AHCTF1: variants seen among roughly 807,000 people sequenced by gnomAD.
AHCTF1 encodes the protein protein ELYS.
AHCTF1 carries 24 observed loss-of-function variants against 248.4 expected under a neutral mutation model. The observed-to-expected ratio is 0.10, with a 90% confidence interval of 0.07 to 0.14. The LOEUF is 0.14. Ranked by LOEUF, AHCTF1 falls within the 10% of genes least tolerant of loss-of-function variation. The pLI is 1.00. For synonymous variants in AHCTF1, 786 were observed against 929.8 expected, an observed-to-expected ratio of 0.85 and a Z score of 2.81; for missense variants, 2,206 against 2,636.2, an observed-to-expected ratio of 0.84 and a Z score of 3.57.
intron 26 of AHCTF1, among the ~76,000 whole-genome samples, chr1:246,865,077 C>G (rs1231388021): frequency 6.6e-6 from 1 of 152,156 alleles, no homozygotes; most frequent in Non-Finnish European, 1.5e-5. Context: ...AGTTTTAAAG[C>G]TTAATTTACA....
At position 246,890,064 on chromosome 1, in the gene AHCTF1, A is replaced by AT. The variant is rs1664116523; in HGVS notation, c.2051-6dup. ...TTGACAACTGCACAGAATCATCTAG[A>AT]TTTTTAAGAGTTGGAAAAAAAGCTG... is the stretch of plus-strand genomic sequence containing the variant. On this transcript the variant is annotated splice_region_variant and splice_polypyrimidine_tract_variant and intron_variant, in intron 16 of 35. Transcript: ENST00000648844. 1 of 1,602,822 alleles carries AT rather than the reference A, an allele frequency of 6.2e-7. No individual in the cohort carries two copies. Among genetic ancestry groups the AT allele is most frequent in the South Asian group, 1.1e-5 (1 of 89,594 alleles).
intron 5 of AHCTF1, among the ~76,000 whole-genome samples, chr1:246,906,392 A>G (rs977919347): frequency 3.3e-5 from 5 of 151,988 alleles, no homozygotes; most frequent in Non-Finnish European, 7.4e-5. Context: ...AGTCTGACCA[A>G]CAAGGTGAAA....
intron 21 of AHCTF1, among the ~76,000 whole-genome samples, chr1:246,878,600 T>C (rs1408861329): frequency 1.3e-5 from 2 of 152,102 alleles, no homozygotes; most frequent in Non-Finnish European, 2.9e-5. Context: ...TCTGAAGATA[T>C]ACACTAAGAA....
chr1:246,854,723 C>T (rs1364260213), intron 31 of AHCTF1, among the ~76,000 whole-genome samples: 1 of 152,118 alleles, frequency 6.6e-6, no homozygotes, highest in East Asian at 1.9e-4. Context: ...TTAATATTCC[C>T]ATTTAAAACT....
chr1:246,870,958 G>C (rs1024360073), intron 24 of AHCTF1, among the ~76,000 whole-genome samples: 6 of 152,128 alleles, frequency 3.9e-5, no homozygotes, highest in Admixed American at 6.5e-5. Flanking sequence ...CAATACAACT[G>C]AGCCTTCGAA....
At chr1:246,869,038 G>A (rs1438566979) in intron 24 of AHCTF1, among the ~76,000 whole-genome samples, 2 of 151,400 alleles carry the variant, frequency 1.3e-5, no homozygotes, top group Non-Finnish European at 2.9e-5. Flanking sequence ...TAGAGACGGG[G>A]TTTCACCATG....
intron 3 of AHCTF1, 59 bp downstream of exon 3, chr1:246,916,083 T>A: frequency 6.4e-7 from 1 of 1,557,962 alleles, no homozygotes; most frequent in Non-Finnish European, 8.7e-7. Flanking sequence ...CACACCTATA[T>A]AACCAGCAGG....
chr1:246,843,739 G>T, intron 34 of AHCTF1, 56 bp downstream of exon 34: 1 of 1,033,586 alleles, frequency 9.7e-7, no homozygotes, highest in Non-Finnish European at 1.2e-6. Flanking sequence ...TAAAACATTT[G>T]TAAAAAAAAA....
At position 246,839,440 on chromosome 1, in the gene AHCTF1, T is replaced by C; in HGVS notation, c.*1366A>G. Reference sequence around the variant, plus strand: ...CAATATTCCATAAATGACAAGCAGCTTAAATACAAGTTTGATAACTATCAT... The same window carrying C: ...CAATATTCCATAAATGACAAGCAGCCTAAATACAAGTTTGATAACTATCAT... On this transcript the variant is annotated 3_prime_UTR_variant, in exon 36 of 36. Transcript: ENST00000648844. 3.3e-6 allele frequency: 2 copies of C among 600,794 alleles called. No individual in the cohort carries two copies. The highest frequency in any genetic ancestry group is 4.2e-6 in the Non-Finnish European group (2 of 479,052). 37.2% of individuals were successfully genotyped at this position (600,794 alleles called of 1,614,324 possible).
At chr1:246,841,048 A>G (rs1391783972) in intron 35 of AHCTF1, 50 bp from the exon 36 acceptor site, 1 of 1,495,886 alleles carries the variant, frequency 6.7e-7, no homozygotes. Flanking sequence ...TATGCTATAA[A>G]ATAAAATTGG....
chr1:246,853,173 A>C lies in AHCTF1; in HGVS notation c.4481T>G (p.Val1494Gly), dbSNP rs1318428894. ...GTCAACACTTTCTTTTAGTACACCA[A>C]CTTCTACTTCATGATCTTCTTTTAA... The part of the protein sequence containing the change: ...LNLKEDHEVE[V>G]GVLKESVDLP... Residue 1494 changes from valine to glycine, a missense_variant, in exon 32 of 36, where the codon GTT (valine) becomes GGT (glycine). Around this residue, in one of 6 missense-constraint regions of AHCTF1, gnomAD observed 955 missense variants for 1,055.6 expected, o/e 0.90. Transcript: ENST00000648844. 1 of 1,612,814 alleles carries C rather than the reference A, an allele frequency of 6.2e-7. No individual in the cohort carries two copies. The highest frequency in any genetic ancestry group is 8.5e-7 in the Non-Finnish European group (1 of 1,179,276).
intron 24 of AHCTF1, among the ~76,000 whole-genome samples, chr1:246,868,971 AGTAGCTG>A (rs1662292341): frequency 7.0e-6 from 1 of 142,230 alleles, no homozygotes; most frequent in Non-Finnish European, 1.5e-5. Context: ...CAGCCTGCTG[AGTAGCTG>A]GGACTACAGG....
rs1661758987 is a variant in AHCTF1, at chr1:246,863,921, A to G, written c.3540+3T>C. 1 of 1,613,606 alleles carries G rather than the reference A, an allele frequency of 6.2e-7. No homozygotes were observed. Among genetic ancestry groups the G allele is most frequent in the Admixed American group, 1.7e-5 (1 of 59,992 alleles). On this transcript the variant is annotated splice_donor_region_variant and intron_variant, in intron 27 of 35. Coordinates refer to ENST00000648844, the MANE Select transcript of AHCTF1 (RefSeq NM_001323342.2). ...TGTGAACGCTAGATGCGTAAATACT[A>G]ACCTTAACTACAAGAGGAGTTTCAA...
Position 246,863,570 on chromosome 1 carries a change from A to G in AHCTF1, c.3540+354T>C, listed in dbSNP as rs1212089300. Among the ~76,000 whole-genome samples, 4 of 152,198 alleles carry G rather than the reference A, an allele frequency of 2.6e-5. No individual in the cohort carries two copies. The East Asian group carries it at 7.7e-4, about 29-fold the overall frequency. ...TAAATAAATACAAATAAACCAAAGA[A>G]CTAAATAGCATTTGATAGAAGAAAT... On this transcript the variant is annotated intron_variant, in intron 27 of 35. Transcript: ENST00000648844.
intron 1 of AHCTF1, chr1:246,931,185 G>A (rs920296129): frequency 5.9e-5 from 91 of 1,550,082 alleles, no homozygotes; most frequent in Non-Finnish European, 7.6e-5. Flanking sequence ...GGCTCAGCAC[G>A]CCGGCCGCTT....
intron 26 of AHCTF1, among the ~76,000 whole-genome samples, chr1:246,865,045 C>T (rs1482038852): frequency 2.6e-5 from 4 of 152,150 alleles, no homozygotes; most frequent in Admixed American, 1.3e-4. Flanking sequence ...ATTACTTGTA[C>T]TGAGCATGTA....
chr1:246,848,727 G>A (rs1310586624), intron 33 of AHCTF1, among the ~76,000 whole-genome samples: 5 of 151,806 alleles, frequency 3.3e-5, no homozygotes, highest in African/African-American at 7.3e-5. Flanking sequence ...AGCCAGGCCT[G>A]TAATCCCAGC....
In AHCTF1 at chr1:246,876,159, C is replaced by A. The variant is rs779553793; in HGVS notation, c.2966G>T (p.Arg989Ile). 6.2e-7 allele frequency: 1 copy of A among 1,601,444 alleles called. No homozygotes were observed. The highest frequency in any genetic ancestry group is 2.2e-5 in the East Asian group (1 of 44,714). ...TAATATAGAATTTCGAGCCAGTGAT[C>A]TCTCCCGCAAACGAGGATCACGATC... ...MNDRDPRLRE[R>I]SLARNSILDQ... Residue 989 changes from arginine to isoleucine, a missense_variant, in exon 24 of 36, where the codon AGA becomes ATA. By Grantham distance (97) the Arg-to-Ile change is moderately conservative. Coordinates refer to ENST00000648844, the MANE Select transcript of AHCTF1 (RefSeq NM_001323342.2).
chr1:246,842,855 C>A, intron 34 of AHCTF1, 79 bp from the exon 35 acceptor site: 2 of 1,295,944 alleles, frequency 1.5e-6, no homozygotes, highest in South Asian at 2.5e-5. Flanking sequence ...ACAAGGAATA[C>A]TAGAGCCAAA....
Sources: allele counts gnomAD v4.1 joint callset (sites outside exome capture counted in the v4.1 genomes callset), GRCh38; gene constraint gnomAD v4.1.1; regional missense constraint gnomAD v4.1.1; transcripts MANE v1.5; gene names NCBI Gene and HGNC (gene_info 2026-07-23, HGNC 2026-07-21).